Variants in CLPX observed in about 807,000 individuals in gnomAD.
CLPX encodes the protein ATP-dependent clpX-like chaperone, mitochondrial.
In CLPX, 34 loss-of-function variants were observed where a neutral mutation model predicts 76.4. The ratio of observed to expected loss-of-function variants is 0.45; its 90% CI spans 0.34 to 0.59. The LOEUF is 0.59. Ranked by LOEUF, CLPX falls within the 20% of genes least tolerant of loss-of-function variation. The pLI, the probability that CLPX is intolerant of heterozygous loss-of-function variation, is 0.01. For synonymous variants in CLPX, 248 were observed against 270.9 expected (o/e 0.92, Z 0.83); for missense variants, 613 against 757.0 (o/e 0.81, Z 2.23).
At chr15:65,180,818 C>T (rs144036222) in intron 1 of CLPX, among the ~76,000 whole-genome samples, 196 of 150,960 alleles carry the variant, frequency 1.3e-3, no homozygotes, top group South Asian at 3.6e-3. Context: ...GCAGGAAAAT[C>T]GCTTGAACCC....
intron 3 of CLPX, among the ~76,000 whole-genome samples, chr15:65,178,045 C>T (rs1044695264): frequency 6.6e-6 from 1 of 152,190 alleles, no homozygotes; most frequent in African/African-American, 2.4e-5. Flanking sequence ...CTGCCTACCT[C>T]AGCCTCTGAA....
At chr15:65,156,592 A>T (rs967543621) in intron 9 of CLPX, 9 of 299,204 alleles carry the variant, frequency 3.0e-5, no homozygotes, top group South Asian at 6.6e-5. Flanking sequence ...TTTGAGGAAT[A>T]AAAAAAAAAG....
intron 1 of CLPX, among the ~76,000 whole-genome samples, chr15:65,183,460 C>CAAAAAAA (rs61002905): frequency 3.0e-5 from 2 of 66,254 alleles, no homozygotes; most frequent in African/African-American, 6.3e-5. Flanking sequence ...GACTCTGTCT[C>CAAAAAAA]AAAAAAAAAA....
Position 65,168,383 on chromosome 15 carries a change from C to CAAAAAAAAAAAAAAAA in CLPX, c.359-1614_359-1599dup, listed in dbSNP as rs71136319. ...TGGGCGACAAAGTGAGACTCTGTCT[C>CAAAAAAAAAAAAAAAA]AAAAAAAAAAAAAAAAAAAAAAAAA... On this transcript the variant is annotated intron_variant, in intron 3 of 13. Coordinates refer to ENST00000300107, the MANE Select transcript of CLPX (RefSeq NM_006660.5). Among the ~76,000 whole-genome samples, 6 of 35,660 alleles carry CAAAAAAAAAAAAAAAA rather than the reference C, an allele frequency of 1.7e-4. 1 individual carries two copies. The highest frequency in any genetic ancestry group is 6.3e-4 in the African/African-American group (5 of 7,914). 23.4% of individuals were successfully genotyped at this position (35,660 alleles called of 152,430 possible).
chr15:65,153,588 G>A lies in CLPX; in HGVS notation c.1663C>T (p.Leu555=), dbSNP rs762826517. ...DALKAIARLA[L]ERKTGARGLR... is the part of the protein sequence containing the mutation. ...CCTCGTGCACCTGTTTTTCGTTCTA[G>A]TGCCAATCTGGCTATAGCTTTCAAA... The change falls in exon 12 of 14, where the codon CTA becomes TTA. Residue 555 remains leucine, a synonymous_variant. Coordinates refer to ENST00000300107, the MANE Select transcript of CLPX (RefSeq NM_006660.5). The A allele has an allele frequency of 1.2e-6, 2 of 1,600,278 alleles. No individual in the cohort carries two copies. The highest frequency in any genetic ancestry group is 1.7e-6 in the Non-Finnish European group (2 of 1,174,602).
At chr15:65,183,460 C>CAAAAAAAAAAAA (rs61002905) in intron 1 of CLPX, among the ~76,000 whole-genome samples, 57 of 66,254 alleles carry the variant, frequency 8.6e-4, no homozygotes, top group African/African-American at 1.3e-3. Flanking sequence ...GACTCTGTCT[C>CAAAAAAAAAAAA]AAAAAAAAAA....
At chr15:65,165,375 ATTTTTTTTT>A (rs34678725) in intron 4 of CLPX, among the ~76,000 whole-genome samples, 3 of 69,204 alleles carry the variant, frequency 4.3e-5, no homozygotes, top group Admixed American at 2.3e-4. Flanking sequence ...AACTGCCTGG[ATTTTTTTTT>A]TTTTTTTTTT....
At position 65,156,892 on chromosome 15, in the gene CLPX, C is replaced by G; in HGVS notation, c.1098G>C (p.Val366=). ...FLDEVDKIGS[V]PGIHQLRDVG... Reference sequence around the variant, plus strand: ...CATCCCGTAATTGATGAATGCCTGGCACACTGCCAATCTTATCTACTTCAT... The same window carrying G: ...CATCCCGTAATTGATGAATGCCTGGGACACTGCCAATCTTATCTACTTCAT... The change falls in exon 9 of 14, where the codon GTG becomes GTC. Residue 366 remains valine, a synonymous_variant. Coordinates refer to ENST00000300107, the MANE Select transcript of CLPX (RefSeq NM_006660.5). 6.2e-7 allele frequency: 1 copy of G among 1,613,324 alleles called. No homozygotes were observed. The highest frequency in any genetic ancestry group is 8.5e-7 in the Non-Finnish European group (1 of 1,179,594).
Position 65,157,773 on chromosome 15 carries a change from T to C in CLPX, c.1030A>G (p.Asn344Asp). Reference protein sequence around the residue: ...SVIAKLLQDANYNVEKAQQGI... With the variant: ...SVIAKLLQDADYNVEKAQQGI... ...TGTTGTGCTTTTTCCACATTATAAT[T>C]GGCATCTTGGAGTAGTTTTGCAATC... The change falls in exon 8 of 14, where the codon AAT becomes GAT. Residue 344 changes from asparagine (N) to aspartate (D), a missense_variant. Around this residue, in one of 2 missense-constraint regions of CLPX, gnomAD observed 450 missense variants for 638.6 expected, o/e 0.70. Transcript: ENST00000300107. The C allele has an allele frequency of 1.2e-6, 2 of 1,613,682 alleles. No homozygotes were observed. Among genetic ancestry groups the C allele is most frequent in the East Asian group, 2.2e-5 (1 of 44,846 alleles).
intron 2 of CLPX, 81 bp downstream of exon 2, chr15:65,179,963 C>A: frequency 1.1e-6 from 1 of 907,864 alleles, no homozygotes; most frequent in Non-Finnish European, 1.6e-6. Context: ...ACATATAAGC[C>A]AGTAAGAGAC....
intron 4 of CLPX, among the ~76,000 whole-genome samples, chr15:65,165,097 G>T (rs1341377872): frequency 6.6e-6 from 1 of 152,052 alleles, no homozygotes; most frequent in Non-Finnish European, 1.5e-5. Flanking sequence ...TGCACTTTGG[G>T]AGGCTGAGGC....
intron 5 of CLPX, 146 bp from the exon 6 acceptor site, chr15:65,162,791 A>G (rs2087869242): frequency 9.1e-6 from 5 of 547,472 alleles, no homozygotes; most frequent in East Asian, 3.0e-5. Context: ...TATCTTTTCT[A>G]TATTAAAACA....
intron 9 of CLPX, 95 bp downstream of exon 9, chr15:65,156,749 A>G (rs1462772387): frequency 6.9e-6 from 5 of 729,466 alleles, no homozygotes; most frequent in Non-Finnish European, 1.2e-5. Context: ...AATAAAACAG[A>G]ATCTAATTGA....
At chr15:65,170,595 T>A (rs2087988191) in intron 3 of CLPX, among the ~76,000 whole-genome samples, 1 of 151,900 alleles carries the variant, frequency 6.6e-6, no homozygotes, top group Non-Finnish European at 1.5e-5. Flanking sequence ...CGAAACCCTG[T>A]CTTTACTAAA....
rs1228520654 is a variant in CLPX at position 65,148,231 on chromosome 15, T to G, written c.*2592A>C. Reference sequence around the variant, plus strand: ...CCACCACGTTGGCTTTCATTTAGTCTTTTTGTTTTATTCAAATGTCAAAAT... The same window carrying G: ...CCACCACGTTGGCTTTCATTTAGTCGTTTTGTTTTATTCAAATGTCAAAAT... On this transcript the variant is annotated 3_prime_UTR_variant, in exon 14 of 14. Coordinates refer to ENST00000300107, the MANE Select transcript of CLPX (RefSeq NM_006660.5). 6.6e-6 allele frequency: 1 copy of G among 152,258 alleles called. No individual in the cohort carries two copies. Among genetic ancestry groups the G allele is most frequent in the African/African-American group, 2.4e-5 (1 of 41,472 alleles). 9.4% of individuals were successfully genotyped at this position (152,258 alleles called of 1,614,324 possible). A position where few individuals can be genotyped will look rare whatever the true frequency, so the allele number is the denominator to read the frequency against.
rs1383388830 is a variant in CLPX, at chr15:65,149,072, CA to C, written c.*1750del. 2 of 152,104 alleles carry C rather than the reference CA, an allele frequency of 1.3e-5. No individual in the cohort carries two copies. The highest frequency in any genetic ancestry group is 2.9e-5 in the Non-Finnish European group (2 of 68,002). The allele number at this position is 152,104 out of a possible 1,614,324, so 9.4% of individuals were successfully genotyped here. ...AAATGTTCAGCACCAAAAAACAAAA[CA>C]AAAAAACTAGCTCAATACTTCAGGT... On this transcript the variant is annotated 3_prime_UTR_variant, in exon 14 of 14. Coordinates refer to ENST00000300107, the MANE Select transcript of CLPX (RefSeq NM_006660.5).
Position 65,155,702 on chromosome 15 carries a change from TTCC to T in CLPX, c.1298_1300del (p.Arg433del). On this transcript the variant is annotated inframe_deletion, in exon 10 of 14. Transcript: ENST00000300107. ...CTCAGAAAAACTTACCTTTTCATTT[TTCC>T]TCCTGCTGATGATTCTGTCTAAACC... 6.2e-7 allele frequency: 1 copy of T among 1,610,932 alleles called. No individual in the cohort carries two copies. Among genetic ancestry groups the T allele is most frequent in the Non-Finnish European group, 8.5e-7 (1 of 1,178,586 alleles).
chr15:65,172,353 G>A (rs1311917228), intron 3 of CLPX, among the ~76,000 whole-genome samples: 1 of 152,164 alleles, frequency 6.6e-6, no homozygotes, highest in Non-Finnish European at 1.5e-5. Context: ...GCTACTACAA[G>A]TATCCTATAT....
rs974156627 is a variant in CLPX, at chr15:65,148,875, T to C, written c.*1948A>G. On this transcript the variant is annotated 3_prime_UTR_variant, in exon 14 of 14. Coordinates refer to ENST00000300107, the MANE Select transcript of CLPX (RefSeq NM_006660.5). The stretch of plus-strand genomic sequence containing the variant: ...AAAAGGTACCCAAATATTTTAATAT[T>C]TATGGAATTAAATGATACAATTTTC... The C allele has an allele frequency of 2.0e-5, 3 of 152,156 alleles. No homozygotes were observed. Among genetic ancestry groups the C allele is most frequent in the Non-Finnish European group, 4.4e-5 (3 of 68,026 alleles). The allele number at this position is 152,156 out of a possible 1,614,324, so 9.4% of individuals were successfully genotyped here.
Sources: gnomAD v4.1 joint callset for allele counts (sites outside exome capture counted in the v4.1 genomes callset) on GRCh38, gnomAD v4.1.1 for gene constraint, gnomAD v4.1.1 regional missense constraint, MANE v1.5 for transcripts, NCBI Gene and HGNC (gene_info 2026-07-23, HGNC 2026-07-21) for gene names.